The following CDK15 variants were observed in gnomAD, a reference collection of about 807,000 sequenced individuals.
CDK15 encodes cyclin-dependent kinase 15.
A neutral mutation model predicts 60.3 loss-of-function variants in CDK15; 62 were observed. The ratio of observed to expected loss-of-function variants is 1.03; its 90% CI spans 0.84 to 1.27. The LOEUF is 1.27. Ranked by LOEUF, CDK15 falls within the 50% of genes most tolerant of loss-of-function variation. CDK15 has a pLI of 0.00. For synonymous variants in CDK15, 194 were observed against 195.7 expected, an observed-to-expected ratio of 0.99 and a Z score of 0.07; for missense variants, 541 against 527.8, an observed-to-expected ratio of 1.03 and a Z score of -0.25.
intron 9 of CDK15, among the ~76,000 whole-genome samples, chr2:201,851,952 C>T (rs1184075127): frequency 6.6e-6 from 1 of 152,100 alleles, no homozygotes; most frequent in Non-Finnish European, 1.5e-5. Flanking sequence ...AGCCACCGTG[C>T]CCGGCCCTTT....
chr2:201,833,074 G>C (rs1696827375), intron 6 of CDK15, among the ~76,000 whole-genome samples: 1 of 152,036 alleles, frequency 6.6e-6, no homozygotes. Flanking sequence ...TGGTTTCTGT[G>C]CCTCATAACC....
intron 10 of CDK15, among the ~76,000 whole-genome samples, chr2:201,867,448 AC>A (rs1158020824): frequency 6.6e-6 from 1 of 151,968 alleles, no homozygotes; most frequent in Admixed American, 6.6e-5. Flanking sequence ...ACATAGGGAG[AC>A]CCCATCTCTA....
At chr2:201,860,523 G>T (rs141705123) in intron 10 of CDK15, among the ~76,000 whole-genome samples, 2 of 152,286 alleles carry the variant, frequency 1.3e-5, no homozygotes, top group Non-Finnish European at 1.5e-5. Flanking sequence ...GAGCTCAGCC[G>T]CAGGGAAGCA....
chr2:201,854,301 C>T (rs1698043437), intron 9 of CDK15, among the ~76,000 whole-genome samples: 1 of 152,114 alleles, frequency 6.6e-6, no homozygotes, highest in Non-Finnish European at 1.5e-5. Flanking sequence ...AGAAAACAAG[C>T]AGATGAGATG....
intron 7 of CDK15, 82 bp downstream of exon 7, chr2:201,834,053 G>T: frequency 6.7e-7 from 1 of 1,486,666 alleles, no homozygotes; most frequent in Non-Finnish European, 9.0e-7. Flanking sequence ...ACTGGGCCTG[G>T]CCTTTGAAAA....
chr2:201,852,010 A>G (rs1176488328), intron 9 of CDK15, among the ~76,000 whole-genome samples: 1 of 152,048 alleles, frequency 6.6e-6, no homozygotes, highest in Non-Finnish European at 1.5e-5. Flanking sequence ...TTCCTTATAT[A>G]TTTTTGATAT....
intron 5 of CDK15, among the ~76,000 whole-genome samples, chr2:201,823,172 C>T (rs186180431): frequency 6.6e-6 from 1 of 152,208 alleles, no homozygotes; most frequent in Non-Finnish European, 1.5e-5. Context: ...AACTTTTGCA[C>T]TTATTTTTAA....
In CDK15 at chr2:201,822,715, T is replaced by C. The variant is rs373948806; in HGVS notation, c.449-94T>C. The C allele has an allele frequency of 2.9e-5, 20 of 687,058 alleles. No homozygotes were observed. In the East Asian group the frequency reaches 3.2e-4, roughly 11 times the overall value. The allele number at this position is 687,058 out of a possible 1,614,324, so 42.6% of individuals were successfully genotyped here. A position where few individuals can be genotyped will look rare whatever the true frequency, so the allele number is the denominator to read the frequency against. On this transcript the variant is annotated intron_variant, in intron 4 of 13. Transcript: ENST00000652192. ...GCAGTAAAATAACCAGAATGTTTGA[T>C]TTGAAATGTTGAAAAAATATATACC...
chr2:201,821,587 C>T (rs1461600027), intron 4 of CDK15, among the ~76,000 whole-genome samples: 3 of 152,096 alleles, frequency 2.0e-5, no homozygotes, highest in African/African-American at 7.2e-5. Context: ...CAGAATAATG[C>T]TTTGAGTTTT....
chr2:201,873,453 TTC>T (rs375635184), intron 11 of CDK15, among the ~76,000 whole-genome samples: 222 of 152,308 alleles, frequency 1.5e-3, no homozygotes, highest in African/African-American at 5.1e-3. Context: ...GCCCGTGGCT[TTC>T]TTTCATGTCA....
chr2:201,845,834 TA>T (rs762600745), intron 8 of CDK15, among the ~76,000 whole-genome samples: 158 of 142,938 alleles, frequency 1.1e-3, no homozygotes, highest in Middle Eastern at 3.6e-3. Flanking sequence ...GGTTTGCGGT[TA>T]AAAAAAAAAA....
intron 8 of CDK15, among the ~76,000 whole-genome samples, chr2:201,836,919 G>T (rs745810725): frequency 8.6e-5 from 13 of 151,680 alleles, no homozygotes; most frequent in Admixed American, 6.6e-5. Flanking sequence ...TCCTCTCTGT[G>T]TCTATGTTTC....
chr2:201,807,829 C>T lies in CDK15; in HGVS notation c.274-29C>T, dbSNP rs373974199. On this transcript the variant is annotated intron_variant, in intron 2 of 13. Coordinates refer to ENST00000652192, the MANE Select transcript of CDK15 (RefSeq NM_001366386.2). Reference sequence around the variant, plus strand: ...TGTTCTTTCTCTCTTCCCTTTCACCCGCTCCTTTTCCCCATTCCCCTAGAG... The same window carrying T: ...TGTTCTTTCTCTCTTCCCTTTCACCTGCTCCTTTTCCCCATTCCCCTAGAG... 6.9e-6 allele frequency: 11 copies of T among 1,586,848 alleles called. No homozygotes were observed. The African/African-American group carries it at 9.6e-5, about 14-fold the overall frequency.
At chr2:201,842,418 G>A (rs1262533385) in intron 8 of CDK15, among the ~76,000 whole-genome samples, 1 of 152,176 alleles carries the variant, frequency 6.6e-6, no homozygotes, top group East Asian at 1.9e-4. Context: ...CTGCCTAACA[G>A]ATCATTTACT....
At chr2:201,819,323 G>A (rs909322329) in intron 4 of CDK15, among the ~76,000 whole-genome samples, 2 of 152,202 alleles carry the variant, frequency 1.3e-5, no homozygotes, top group African/African-American at 4.8e-5. Flanking sequence ...GTAAAATCCT[G>A]GGGTGGAAAT....
At chr2:201,884,065 A>G (rs1026217478) in intron 12 of CDK15, among the ~76,000 whole-genome samples, 3 of 152,234 alleles carry the variant, frequency 2.0e-5, no homozygotes, top group African/African-American at 2.4e-5. Flanking sequence ...GAACCTAGCC[A>G]TTTTGAACTA....
chr2:201,836,057 AT>A (rs1181352411), intron 8 of CDK15, among the ~76,000 whole-genome samples: 1 of 6,032 alleles, frequency 1.7e-4, no homozygotes, highest in East Asian at 0.015. Flanking sequence ...TTATATATAT[AT>A]TATATATATT....
At chr2:201,865,016 G>A (rs1451854916) in intron 10 of CDK15, among the ~76,000 whole-genome samples, 1 of 152,106 alleles carries the variant, frequency 6.6e-6, no homozygotes, top group Non-Finnish European at 1.5e-5. Flanking sequence ...AGAGGGAAGG[G>A]AGTCTTTAGA....
At chr2:201,879,842 G>A (rs908968391) in intron 11 of CDK15, among the ~76,000 whole-genome samples, 186 bp from the exon 12 acceptor site, 23 of 152,132 alleles carry the variant, frequency 1.5e-4, no homozygotes, top group African/African-American at 5.6e-4. Context: ...TTAGTAACAG[G>A]ACAGTCAGTA....
Sources: gnomAD v4.1 joint callset for allele counts (sites outside exome capture counted in the v4.1 genomes callset) on GRCh38, gnomAD v4.1.1 for gene constraint, MANE v1.5 for transcripts, NCBI Gene and HGNC (gene_info 2026-07-23, HGNC 2026-07-21) for gene names.